ZPLD1: variants seen among roughly 807,000 people sequenced by gnomAD.
ZPLD1 encodes zona pellucida like domain containing 1, also known as zona pellucida-like domain-containing protein 1.
In ZPLD1, 34 loss-of-function variants were observed where a neutral mutation model predicts 47.2. The observed-to-expected ratio is 0.72, with a 90% confidence interval of 0.55 to 0.96. The LOEUF (loss-of-function observed/expected upper bound fraction) is 0.96. Among genes scored for constraint, ZPLD1 ranks in the 40% least tolerant of loss-of-function variants. The pLI, the probability that ZPLD1 is intolerant of heterozygous loss-of-function variation, is 0.00. For missense variants in ZPLD1, 512 were observed against 505.8 expected (o/e 1.01, Z -0.12); for synonymous variants, 176 against 186.2 (o/e 0.95, Z 0.45).
At chr3:102,458,474 A>T (rs1323290095) in intron 6 of ZPLD1, among the ~76,000 whole-genome samples, 5 of 152,198 alleles carry the variant, frequency 3.3e-5, no homozygotes, top group African/African-American at 1.2e-4. Context: ...AAAAATTTTT[A>T]TTCATACATT....
chr3:102,429,218 C>G (rs1706986711), intron 8 of ZPLD1, among the ~76,000 whole-genome samples: 1 of 152,140 alleles, frequency 6.6e-6, no homozygotes, highest in South Asian at 2.1e-4. Context: ...TTTAACATCC[C>G]TTAGATGCAA....
intron 7 of ZPLD1, among the ~76,000 whole-genome samples, chr3:102,402,271 A>C (rs1038826250): frequency 6.6e-6 from 1 of 151,992 alleles, no homozygotes. Flanking sequence ...TCACTTAAAT[A>C]TCTCTCTTCT....
At chr3:102,448,297 A>C (rs538362831) in intron 3 of ZPLD1, among the ~76,000 whole-genome samples, 1 of 152,308 alleles carries the variant, frequency 6.6e-6, no homozygotes, top group South Asian at 2.1e-4. Flanking sequence ...ATATCTACTC[A>C]TTAGGTTGTT....
chr3:102,392,588 T>A lies in ZPLD1; in HGVS notation c.-157+363T>A, dbSNP rs375938683. Among the ~76,000 whole-genome samples, 76 of 146,696 alleles carry A rather than the reference T, an allele frequency of 5.2e-4. 1 individual carries two copies. The highest frequency in any genetic ancestry group is 1.9e-3 in the African/African-American group (74 of 39,234). ...CTCCTTCCTCCTTCCCCCTTCCTTC[T>A]TTCTTCTTCTTCTGCCATCAGTTCC... is the stretch of plus-strand genomic sequence containing the variant. On this transcript the variant is annotated intron_variant, in intron 7 of 17. Coordinates refer to the ZPLD1 transcript ENST00000491959.
intron 3 of ZPLD1, among the ~76,000 whole-genome samples, chr3:102,443,502 T>C (rs1240288009): frequency 1.3e-5 from 2 of 152,176 alleles, no homozygotes; most frequent in Non-Finnish European, 2.9e-5. Context: ...GTTTTAAAAA[T>C]GATGTATGTG....
At chr3:102,468,216 C>T (rs1186849911) in intron 8 of ZPLD1, among the ~76,000 whole-genome samples, 1 of 152,038 alleles carries the variant, frequency 6.6e-6, no homozygotes, top group Non-Finnish European at 1.5e-5. Context: ...TCATATATTG[C>T]TTGTGAAGTC....
chr3:102,423,068 T>A (rs964762986), intron 8 of ZPLD1, among the ~76,000 whole-genome samples: 2 of 152,076 alleles, frequency 1.3e-5, no homozygotes, highest in Admixed American at 6.6e-5. Context: ...CCTACAATTG[T>A]TTTACTTTTG....
At chr3:102,420,021 C>T (rs1369373619) in intron 8 of ZPLD1, among the ~76,000 whole-genome samples, 1 of 151,648 alleles carries the variant, frequency 6.6e-6, no homozygotes, top group African/African-American at 2.4e-5. Flanking sequence ...AAGCCAGACA[C>T]AACAGCTTTA....
intron 10 of ZPLD1, among the ~76,000 whole-genome samples, chr3:102,475,988 G>T (rs1707753055): frequency 6.6e-6 from 1 of 152,090 alleles, no homozygotes; most frequent in Non-Finnish European, 1.5e-5. Flanking sequence ...AAAGGCCTCT[G>T]AAACTGAGCT....
At chr3:102,404,785 T>A (rs549958590) in intron 7 of ZPLD1, among the ~76,000 whole-genome samples, 42 of 152,128 alleles carry the variant, frequency 2.8e-4, no homozygotes, top group Non-Finnish European at 5.2e-4. Flanking sequence ...TAGAAAGTTG[T>A]TCTCTACTTA....
intron 5 of ZPLD1, 88 bp downstream of exon 5, chr3:102,456,462 A>T (rs1042291222): frequency 6.2e-5 from 72 of 1,153,678 alleles, no homozygotes; most frequent in Non-Finnish European, 8.7e-5. Flanking sequence ...AGATAGCAGG[A>T]TTTATTAAAA....
intron 3 of ZPLD1, among the ~76,000 whole-genome samples, chr3:102,450,736 A>G (rs1429871946): frequency 2.0e-5 from 3 of 152,208 alleles, no homozygotes; most frequent in Admixed American, 2.0e-4. Context: ...CTAGTACAAT[A>G]GTCCAGGGGA....
At position 102,396,895 on chromosome 3, in the gene ZPLD1, C is replaced by A. The variant is rs571658299; in HGVS notation, c.-157+4670C>A. ...TACTCAAAAGTTAAATGATTAGAGC[C>A]CTGGCCCCACTACTTACTAACCATG... On this transcript the variant is annotated intron_variant, in intron 7 of 17. Transcript: ENST00000491959. 6.9e-4 allele frequency among the ~76,000 whole-genome samples: 105 copies of A among 152,160 alleles called. 2 individuals are homozygous for A. The highest frequency in any genetic ancestry group is 2.5e-3 in the African/African-American group (103 of 41,540).
At chr3:102,398,835 T>G (rs1706586397) in intron 7 of ZPLD1, among the ~76,000 whole-genome samples, 1 of 152,162 alleles carries the variant, frequency 6.6e-6, no homozygotes, top group African/African-American at 2.4e-5. Flanking sequence ...CACATGCATA[T>G]TTATACTGCT....
At chr3:102,446,405 G>A (rs891173933) in intron 3 of ZPLD1, among the ~76,000 whole-genome samples, 4 of 152,106 alleles carry the variant, frequency 2.6e-5, no homozygotes. Context: ...GGTAATTTCA[G>A]CTATTACTAT....
chr3:102,408,822 A>G (rs1204832285), intron 7 of ZPLD1, among the ~76,000 whole-genome samples: 2 of 151,816 alleles, frequency 1.3e-5, no homozygotes, highest in African/African-American at 4.8e-5. Flanking sequence ...AACCTTTATT[A>G]TATCTACTCT....
chr3:102,398,885 C>CAT (rs1346424407), intron 7 of ZPLD1, among the ~76,000 whole-genome samples: 3 of 152,010 alleles, frequency 2.0e-5, no homozygotes, highest in African/African-American at 7.2e-5. Context: ...CACGCACACA[C>CAT]ACACACACAC....
At chr3:102,430,598 G>GA (rs1179495857), upstream of ZPLD1, among the ~76,000 whole-genome samples, 4 of 152,108 alleles carry the variant, frequency 2.6e-5, no homozygotes, top group Non-Finnish European at 5.9e-5. Context: ...AGTACTATAG[G>GA]AAAAAGAGCT....
intron 7 of ZPLD1, among the ~76,000 whole-genome samples, chr3:102,416,694 G>T (rs1232279053): frequency 6.6e-6 from 1 of 151,926 alleles, no homozygotes; most frequent in Non-Finnish European, 1.5e-5. Context: ...ATACATTAAT[G>T]ATTTATGTTT....
Sources: allele counts gnomAD v4.1 joint callset (sites outside exome capture counted in the v4.1 genomes callset), GRCh38; gene constraint gnomAD v4.1.1; transcripts MANE v1.5; gene names NCBI Gene and HGNC (gene_info 2026-07-23, HGNC 2026-07-21).